Variants in DTNA observed in about 807,000 individuals in gnomAD.
DTNA encodes dystrophin-related protein 3.
In DTNA, 43 loss-of-function variants were observed where a neutral mutation model predicts 100.7. That is an observed-to-expected ratio of 0.43 (90% CI 0.33 to 0.55). The LOEUF (loss-of-function observed/expected upper bound fraction) is 0.55. Ranked by LOEUF, DTNA falls within the 20% of genes least tolerant of loss-of-function variation. The pLI, the probability that DTNA is intolerant of heterozygous loss-of-function variation, is 0.04. For missense variants in DTNA, 798 were observed against 953.9 expected, an observed-to-expected ratio of 0.84 and a Z score of 2.15; for synonymous variants, 349 against 347.9, an observed-to-expected ratio of 1.00 and a Z score of -0.04.
At chr18:34,688,694 G>A (rs1318163431) in intron 1 of DTNA, among the ~76,000 whole-genome samples, 2 of 152,246 alleles carry the variant, frequency 1.3e-5, no homozygotes, top group South Asian at 4.1e-4. Flanking sequence ...GGCCTGTCTT[G>A]CTAGGTTGAG....
intron 1 of DTNA, among the ~76,000 whole-genome samples, chr18:34,738,708 C>T (rs1002095168): frequency 1.3e-5 from 2 of 152,150 alleles, no homozygotes; most frequent in Admixed American, 6.5e-5. Flanking sequence ...GAGGACAGCG[C>T]GTGACGGTGA....
chr18:34,823,381 T>C (rs1428826727), intron 9 of DTNA, among the ~76,000 whole-genome samples: 1 of 152,204 alleles, frequency 6.6e-6, no homozygotes, highest in East Asian at 1.9e-4. Context: ...TACCATGTCA[T>C]TTTATAATAA....
chr18:34,508,575 G>T (rs1255331797), intron 1 of DTNA, among the ~76,000 whole-genome samples: 1 of 152,148 alleles, frequency 6.6e-6, no homozygotes, highest in Non-Finnish European at 1.5e-5. Flanking sequence ...GTTTTAAAAT[G>T]TTTTATGATG....
intron 1 of DTNA, among the ~76,000 whole-genome samples, chr18:34,743,747 T>C (rs2091114936): frequency 6.6e-6 from 1 of 152,166 alleles, no homozygotes; most frequent in Non-Finnish European, 1.5e-5. Flanking sequence ...GAAGGGGATT[T>C]AAAAGAAATT....
intron 4 of DTNA, among the ~76,000 whole-genome samples, chr18:34,805,460 G>C (rs2095336329): frequency 2.0e-5 from 3 of 152,050 alleles, no homozygotes; most frequent in Admixed American, 2.0e-4. Flanking sequence ...AAGTAGCTGG[G>C]ATTACAGACG....
In DTNA at chr18:34,595,706, G is replaced by A. The variant is rs140873694; in HGVS notation, c.-2+102192G>A. ...GCTTGGATATCTTTGACTCTATGCTGGAAATGTATTTTTAAAATTACATTA... is the reference window on the plus strand; with the variant it reads ...GCTTGGATATCTTTGACTCTATGCTAGAAATGTATTTTTAAAATTACATTA... On this transcript the variant is annotated intron_variant, in intron 1 of 19. Transcript: ENST00000283365. 3.8e-3 allele frequency among the ~76,000 whole-genome samples: 574 copies of A among 152,258 alleles called. 3 individuals are homozygous for A. The highest frequency in any genetic ancestry group is 0.024 in the South Asian group (114 of 4,826).
At chr18:34,734,059 G>C (rs2088973540) in intron 1 of DTNA, among the ~76,000 whole-genome samples, 1 of 152,138 alleles carries the variant, frequency 6.6e-6, no homozygotes, top group African/African-American at 2.4e-5. Flanking sequence ...AACTCAAGCA[G>C]TTCTTTTCAA....
At chr18:34,605,540 A>G (rs1310127641) in intron 1 of DTNA, among the ~76,000 whole-genome samples, 2 of 152,098 alleles carry the variant, frequency 1.3e-5, no homozygotes, top group Non-Finnish European at 2.9e-5. Context: ...GATGAAGCAA[A>G]TGAAAGTGCT....
intron 1 of DTNA, among the ~76,000 whole-genome samples, chr18:34,694,509 T>C (rs2080235717): frequency 6.6e-6 from 1 of 152,186 alleles, no homozygotes; most frequent in Non-Finnish European, 1.5e-5. Flanking sequence ...AGTTTCAAAT[T>C]AGCAAAGCAG....
In DTNA at chr18:34,811,006, C is replaced by A. The variant is rs570447078; in HGVS notation, c.449-953C>A. Among the ~76,000 whole-genome samples, 5 of 152,186 alleles carry A rather than the reference C, an allele frequency of 3.3e-5. No homozygotes were observed. In the East Asian group the frequency reaches 9.7e-4, roughly 29 times the overall value. Reference sequence around the variant, plus strand: ...GACTTTGGTGTAAAAACAATGTTCCCAGATTATATTTTGACCTTGAAAAAT... The same window carrying A: ...GACTTTGGTGTAAAAACAATGTTCCAAGATTATATTTTGACCTTGAAAAAT... On this transcript the variant is annotated intron_variant, in intron 5 of 22. Coordinates refer to ENST00000444659, the MANE Select transcript of DTNA (RefSeq NM_001386795.1).
chr18:34,580,825 G>A (rs1182083473), intron 1 of DTNA, among the ~76,000 whole-genome samples: 1 of 152,090 alleles, frequency 6.6e-6, no homozygotes, highest in African/African-American at 2.4e-5. Context: ...GCCCCAGCCT[G>A]TATCAACTAC....
At chr18:34,883,463 C>A (rs1178445054) in intron 21 of DTNA, among the ~76,000 whole-genome samples, 4 of 152,048 alleles carry the variant, frequency 2.6e-5, no homozygotes, top group Non-Finnish European at 4.4e-5. Context: ...GTGCACACCA[C>A]CATGCCTGGC....
chr18:34,871,756 A>G (rs1236767062), intron 17 of DTNA, among the ~76,000 whole-genome samples: 1 of 152,232 alleles, frequency 6.6e-6, no homozygotes, highest in East Asian at 1.9e-4. Context: ...CATTCCTCAC[A>G]GTGGGTAGGC....
At chr18:34,828,738 C>T (rs1011627992) in intron 10 of DTNA, among the ~76,000 whole-genome samples, 4 of 151,990 alleles carry the variant, frequency 2.6e-5, no homozygotes, top group African/African-American at 4.8e-5. Flanking sequence ...AGGTCTGTAA[C>T]AAGTGGAAAT....
chr18:34,746,297 GAATAGT>G (rs1374297636), intron 1 of DTNA, among the ~76,000 whole-genome samples: 5 of 151,720 alleles, frequency 3.3e-5, no homozygotes, highest in Admixed American at 2.0e-4. Context: ...ATATTTTCAT[GAATAGT>G]AATGTTCTAC....
intron 1 of DTNA, among the ~76,000 whole-genome samples, chr18:34,573,428 G>A (rs2047786720): frequency 6.6e-6 from 1 of 152,096 alleles, no homozygotes; most frequent in East Asian, 1.9e-4. Flanking sequence ...AGGAACTTAT[G>A]AAGAACATGC....
chr18:34,888,700 A>C lies in DTNA; in HGVS notation c.*966A>C. 1 of 985,818 alleles carries C rather than the reference A, an allele frequency of 1.0e-6. No homozygotes were observed. Among genetic ancestry groups the C allele is most frequent in the South Asian group, 4.7e-5 (1 of 21,286 alleles). 61.1% of individuals were successfully genotyped at this position (985,818 alleles called of 1,614,324 possible). The stretch of plus-strand genomic sequence containing the variant: ...TGCCATAAGATCCCCAAACGGACTA[A>C]AGTTATCTCTGCTCTTCCATGGTCT... On this transcript the variant is annotated 3_prime_UTR_variant, in exon 23 of 23. Coordinates refer to ENST00000444659, the MANE Select transcript of DTNA (RefSeq NM_001386795.1).
At chr18:34,761,859 A>G (rs1182584458) in intron 2 of DTNA, among the ~76,000 whole-genome samples, 2 of 152,234 alleles carry the variant, frequency 1.3e-5, no homozygotes, top group East Asian at 3.8e-4. Flanking sequence ...TTGAATCACC[A>G]GATTTAACGA....
intron 1 of DTNA, among the ~76,000 whole-genome samples, chr18:34,743,954 G>T (rs1056350051): frequency 6.6e-6 from 1 of 151,788 alleles, no homozygotes; most frequent in Non-Finnish European, 1.5e-5. Flanking sequence ...CGCTTTCCTC[G>T]TGTGGCCTCT....
Sources: gnomAD v4.1 joint callset for allele counts (sites outside exome capture counted in the v4.1 genomes callset) on GRCh38, gnomAD v4.1.1 for gene constraint, MANE v1.5 for transcripts, NCBI Gene and HGNC (gene_info 2026-07-23, HGNC 2026-07-21) for gene names.